The following PCDH9 variants were observed in gnomAD, a reference collection of about 807,000 sequenced individuals.
The protein encoded by PCDH9 is protocadherin-9.
Under a neutral mutation model 70.6 loss-of-function variants are expected in PCDH9, and 24 were observed. The ratio of observed to expected loss-of-function variants is 0.34; its 90% confidence interval spans 0.25 to 0.48. The LOEUF is 0.48. PCDH9 is among the 20% of genes least tolerant of loss of function. PCDH9 has a pLI of 0.99. For missense variants in PCDH9, 1,281 were observed against 1,503.6 expected (o/e 0.85, Z 2.45); for synonymous variants, 562 against 558.5 (o/e 1.01, Z -0.09).
chr13:66,456,886 A>G (rs1208810785), intron 4 of PCDH9, among the ~76,000 whole-genome samples: 1 of 152,142 alleles, frequency 6.6e-6, no homozygotes, highest in African/African-American at 2.4e-5. Flanking sequence ...GGGCTTTGTT[A>G]AACCTTACCT....
intron 2 of PCDH9, among the ~76,000 whole-genome samples, chr13:67,000,012 G>A (rs892611953): frequency 1.5e-4 from 23 of 152,052 alleles, no homozygotes; most frequent in East Asian, 1.9e-4. Flanking sequence ...AAATCATGCC[G>A]CTATAAAGAC....
rs2081752872 is a variant in PCDH9, at chr13:66,874,127, G to A, written c.3138+29377C>T. On this transcript the variant is annotated intron_variant, in intron 3 of 4. Coordinates refer to ENST00000377865, the MANE Select transcript of PCDH9 (RefSeq NM_203487.3). ...AGCTGATTTTTGTATTTTTAGTAGGGACAGTATTTCTCCATGAAATTTCTT... is the reference window on the plus strand; with the variant it reads ...AGCTGATTTTTGTATTTTTAGTAGGAACAGTATTTCTCCATGAAATTTCTT... 2.0e-5 allele frequency among the ~76,000 whole-genome samples: 3 copies of A among 151,312 alleles called. No homozygotes were observed. In the South Asian group the frequency reaches 6.2e-4, roughly 32 times the overall value.
chr13:66,476,546 G>A (rs1184594645), intron 4 of PCDH9, among the ~76,000 whole-genome samples: 2 of 152,088 alleles, frequency 1.3e-5, no homozygotes, highest in African/African-American at 4.8e-5. Context: ...AAGTAAATGA[G>A]AAAGACGAGT....
At chr13:67,136,681 G>C (rs1365836261) in intron 2 of PCDH9, among the ~76,000 whole-genome samples, 2 of 152,042 alleles carry the variant, frequency 1.3e-5, no homozygotes, top group Admixed American at 6.6e-5. Flanking sequence ...ATTGCTGTCT[G>C]AATCAATCAC....
chr13:66,939,730 T>C (rs1039987385), intron 2 of PCDH9, among the ~76,000 whole-genome samples: 1 of 152,054 alleles, frequency 6.6e-6, no homozygotes, highest in Admixed American at 6.6e-5. Context: ...AAAGTGTATA[T>C]ATCTAAATAA....
chr13:67,133,482 G>C (rs2087156170), intron 2 of PCDH9, among the ~76,000 whole-genome samples: 1 of 152,002 alleles, frequency 6.6e-6, no homozygotes, highest in Non-Finnish European at 1.5e-5. Flanking sequence ...TTAAAAAGTT[G>C]GATTACATAA....
At chr13:66,933,298 A>G (rs1480101082) in intron 2 of PCDH9, among the ~76,000 whole-genome samples, 1 of 152,198 alleles carries the variant, frequency 6.6e-6, no homozygotes, top group Non-Finnish European at 1.5e-5. Flanking sequence ...AGCATTGTCA[A>G]CAAAGACAAT....
chr13:67,134,195 C>T (rs1028514474), intron 2 of PCDH9, among the ~76,000 whole-genome samples: 1 of 152,074 alleles, frequency 6.6e-6, no homozygotes, highest in Non-Finnish European at 1.5e-5. Flanking sequence ...AACTAAAGCC[C>T]TAATGGTTGT....
chr13:67,043,290 A>G (rs1273829297), intron 2 of PCDH9, among the ~76,000 whole-genome samples: 2 of 152,190 alleles, frequency 1.3e-5, no homozygotes, highest in African/African-American at 4.8e-5. Flanking sequence ...ATTGGCATCT[A>G]TTGTAACAAT....
intron 2 of PCDH9, among the ~76,000 whole-genome samples, chr13:67,031,212 A>C (rs2084899206): frequency 6.6e-6 from 1 of 152,158 alleles, no homozygotes; most frequent in Non-Finnish European, 1.5e-5. Flanking sequence ...GTATAATCTC[A>C]AGTTGAAAAC....
chr13:66,610,462 C>G (rs1056206914), intron 4 of PCDH9, among the ~76,000 whole-genome samples: 5 of 152,142 alleles, frequency 3.3e-5, no homozygotes, highest in African/African-American at 1.2e-4. Flanking sequence ...CACCAAAAAG[C>G]CTTCTGATTG....
intron 3 of PCDH9, among the ~76,000 whole-genome samples, chr13:66,646,315 A>G (rs2077770672): frequency 6.6e-6 from 1 of 152,198 alleles, no homozygotes; most frequent in African/African-American, 2.4e-5. Flanking sequence ...CAGATTTCTT[A>G]ATATAGCTGG....
At position 66,601,147 on chromosome 13, in the gene PCDH9, T is replaced by C. The variant is rs1022786908; in HGVS notation, c.3340+30063A>G. 4.1e-5 allele frequency among the ~76,000 whole-genome samples: 6 copies of C among 145,834 alleles called. 2 individuals are homozygous for C. The highest frequency in any genetic ancestry group is 4.9e-5 in the African/African-American group (2 of 40,492). ...ACAGCATATAATTCACAGAGGATCC[T>C]ATTCTTTAGACTATAGCTATGGGCT... On this transcript the variant is annotated intron_variant, in intron 4 of 4. Coordinates refer to ENST00000377865, the MANE Select transcript of PCDH9 (RefSeq NM_203487.3).
At chr13:66,984,938 T>C (rs2083859099) in intron 2 of PCDH9, among the ~76,000 whole-genome samples, 1 of 152,114 alleles carries the variant, frequency 6.6e-6, no homozygotes, top group Non-Finnish European at 1.5e-5. Flanking sequence ...CTGTTCCCAT[T>C]GCATTGGCTG....
At chr13:66,573,765 GTTTT>G (rs578149644) in intron 4 of PCDH9, among the ~76,000 whole-genome samples, 52 of 150,578 alleles carry the variant, frequency 3.5e-4, no homozygotes, top group South Asian at 1.3e-3. Context: ...TTGTTTGTTT[GTTTT>G]TTTGGTGCCA....
chr13:66,548,534 C>T (rs891795149), intron 4 of PCDH9, among the ~76,000 whole-genome samples: 11 of 151,966 alleles, frequency 7.2e-5, no homozygotes, highest in African/African-American at 2.2e-4. Context: ...TGCTGCACTA[C>T]AGCCTGGGTG....
chr13:66,341,572 A>G (rs1956125650), intron 4 of PCDH9, among the ~76,000 whole-genome samples: 1 of 152,148 alleles, frequency 6.6e-6, no homozygotes. Flanking sequence ...ACAAATCCAC[A>G]AGTGATTCCT....
At chr13:66,657,779 A>T (rs1293657146) in intron 3 of PCDH9, among the ~76,000 whole-genome samples, 2 of 152,172 alleles carry the variant, frequency 1.3e-5, no homozygotes, top group Non-Finnish European at 2.9e-5. Context: ...AAGCATCACC[A>T]CTTACAAGGA....
chr13:66,417,892 G>C (rs982862539), intron 4 of PCDH9, among the ~76,000 whole-genome samples: 3 of 152,180 alleles, frequency 2.0e-5, no homozygotes, highest in Non-Finnish European at 4.4e-5. Context: ...GTTCCTTGTA[G>C]ATTCTGGATA....
Sources: gnomAD v4.1 joint callset for allele counts (sites outside exome capture counted in the v4.1 genomes callset) on GRCh38, gnomAD v4.1.1 for gene constraint, MANE v1.5 for transcripts, NCBI Gene and HGNC (gene_info 2026-07-23, HGNC 2026-07-21) for gene names.